DAB1: variants seen among roughly 807,000 people sequenced by gnomAD.
DAB1 encodes DAB adaptor protein 1.
Under a neutral mutation model 64.6 loss-of-function variants are expected in DAB1, and 15 were observed. The ratio of observed to expected loss-of-function variants is 0.23; its 90% CI spans 0.16 to 0.36. DAB1 has a LOEUF of 0.36. DAB1 is among the 10% of genes least tolerant of loss of function. The pLI is 1.00. For synonymous variants in DAB1, 235 were observed against 251.9 expected (o/e 0.93, Z 0.64); for missense variants, 596 against 706.7 (o/e 0.84, Z 1.78).
At chr1:58,205,864 C>T (rs149116304) in intron 4 of DAB1, among the ~76,000 whole-genome samples, 3 of 152,308 alleles carry the variant, frequency 2.0e-5, no homozygotes, top group African/African-American at 7.2e-5. Context: ...TAAGGCAGAG[C>T]GGACCAATCT....
At chr1:58,413,711 T>C (rs115511132) in intron 3 of DAB1, among the ~76,000 whole-genome samples, 111 of 152,348 alleles carry the variant, frequency 7.3e-4, no homozygotes, top group African/African-American at 2.4e-3. Flanking sequence ...ATTCTGTAAT[T>C]ACACTGATGG....
rs180710579 is a variant in DAB1, at chr1:58,359,892, T to C, written n.258-16489A>G. Among the ~76,000 whole-genome samples, 12 of 152,334 alleles carry C rather than the reference T, an allele frequency of 7.9e-5. No homozygotes were observed. In the East Asian group the frequency reaches 2.3e-3, roughly 29 times the overall value. On this transcript the variant is annotated intron_variant and non_coding_transcript_variant, in intron 3 of 20. Coordinates refer to the DAB1 transcript ENST00000485760. ...GACCTAAGTTCAAAGCCCTGCTTCATCACTTACTCTTTGAGGGATTTTAGG... is the reference window on the plus strand; with the variant it reads ...GACCTAAGTTCAAAGCCCTGCTTCACCACTTACTCTTTGAGGGATTTTAGG...
intron 3 of DAB1, among the ~76,000 whole-genome samples, chr1:58,430,304 T>C (rs1270456012): frequency 1.3e-5 from 2 of 152,212 alleles, no homozygotes; most frequent in Non-Finnish European, 2.9e-5. Flanking sequence ...TAAGCTGTCT[T>C]GACAGAGAGT....
chr1:57,621,075 T>G (rs28391765), intron 7 of DAB1, among the ~76,000 whole-genome samples: 4,572 of 151,368 alleles, frequency 0.03, 242 homozygotes, highest in African/African-American at 0.11. Context: ...GTGTGCCTGT[T>G]TGTCTGAGAA....
chr1:58,516,203 C>T (rs1411238571), intron 2 of DAB1, among the ~76,000 whole-genome samples: 1 of 152,188 alleles, frequency 6.6e-6, no homozygotes, highest in African/African-American at 2.4e-5. Flanking sequence ...AACAATCATA[C>T]ACCATGTCAT....
chr1:58,350,458 T>A, intron 3 of DAB1, among the ~76,000 whole-genome samples: 1 of 152,194 alleles, frequency 6.6e-6, no homozygotes, highest in Admixed American at 6.5e-5. Context: ...AGCTCTTTAG[T>A]TTAATTAGAT....
At chr1:57,493,308 C>G (rs993096549) in intron 7 of DAB1, among the ~76,000 whole-genome samples, 5 of 152,104 alleles carry the variant, frequency 3.3e-5, no homozygotes, top group Non-Finnish European at 7.3e-5. Flanking sequence ...CTCCCCCCAG[C>G]CCCTGGTACC....
chr1:57,696,993 C>T (rs191199482), intron 6 of DAB1, among the ~76,000 whole-genome samples: 30 of 152,232 alleles, frequency 2.0e-4, no homozygotes, highest in South Asian at 6.2e-4. Context: ...TTTTGAAGCT[C>T]CCATCCAAAA....
At chr1:58,396,648 G>C (rs1182702163) in intron 3 of DAB1, among the ~76,000 whole-genome samples, 1 of 152,132 alleles carries the variant, frequency 6.6e-6, no homozygotes, top group African/African-American at 2.4e-5. Flanking sequence ...CATGGCGACA[G>C]AGAGAAAGAG....
chr1:58,540,096 C>T (rs1269864167), intron 1 of DAB1, among the ~76,000 whole-genome samples: 1 of 152,100 alleles, frequency 6.6e-6, no homozygotes, highest in Non-Finnish European at 1.5e-5. Flanking sequence ...TGGTATACTG[C>T]CTATCCCCTC....
chr1:58,340,115 C>T (rs1055426328), intron 4 of DAB1, among the ~76,000 whole-genome samples: 3 of 152,190 alleles, frequency 2.0e-5, no homozygotes, highest in Admixed American at 6.6e-5. Context: ...AGAAAGACAT[C>T]TCAAATCAAA....
At chr1:57,000,189 G>T (rs755400311) in intron 14 of DAB1, among the ~76,000 whole-genome samples, 1 of 151,824 alleles carries the variant, frequency 6.6e-6, no homozygotes, top group Non-Finnish European at 1.5e-5. Flanking sequence ...GACTACAGGT[G>T]CCCACCACCA....
chr1:57,749,853 C>G (rs1044821467), intron 6 of DAB1, among the ~76,000 whole-genome samples: 10 of 152,200 alleles, frequency 6.6e-5, no homozygotes. Flanking sequence ...CCTCTGCATT[C>G]TGCTCAGTTG....
intron 2 of DAB1, among the ~76,000 whole-genome samples, chr1:57,176,529 T>C (rs1257464023): frequency 6.6e-6 from 1 of 152,038 alleles, no homozygotes; most frequent in African/African-American, 2.4e-5. Context: ...CAAGATGAGA[T>C]TTGGGTGGGG....
intron 1 of DAB1, chr1:58,539,242 C>A: frequency 1.1e-6 from 1 of 870,244 alleles, no homozygotes; most frequent in South Asian, 1.3e-5. Flanking sequence ...TGAATTAAAT[C>A]GGAAGAAAAC....
chr1:57,936,929 T>C (rs1234842116), intron 5 of DAB1, among the ~76,000 whole-genome samples: 1 of 152,090 alleles, frequency 6.6e-6, no homozygotes, highest in African/African-American at 2.4e-5. Context: ...ACTGGCCTCC[T>C]TTCTCTTCTG....
intron 1 of DAB1, among the ~76,000 whole-genome samples, chr1:57,859,653 C>A (rs1301899603): frequency 6.6e-6 from 1 of 152,150 alleles, no homozygotes; most frequent in Non-Finnish European, 1.5e-5. Context: ...TTAATTTTTC[C>A]AGACTAACTA....
chr1:57,694,326 G>A (rs1267684847), intron 6 of DAB1, among the ~76,000 whole-genome samples: 1 of 152,132 alleles, frequency 6.6e-6, no homozygotes, highest in Admixed American at 6.6e-5. Context: ...AAAACTGGGA[G>A]TCAAGAGAGA....
intron 3 of DAB1, among the ~76,000 whole-genome samples, chr1:58,432,959 T>C (rs1299674736): frequency 6.6e-6 from 1 of 152,226 alleles, no homozygotes; most frequent in Non-Finnish European, 1.5e-5. Context: ...CAGCTTTGCC[T>C]CAGCATCCTG....
Sources: allele counts gnomAD v4.1 joint callset (sites outside exome capture counted in the v4.1 genomes callset), GRCh38; gene constraint gnomAD v4.1.1; transcripts MANE v1.5; gene names NCBI Gene and HGNC (gene_info 2026-07-23, HGNC 2026-07-21).